ACSL5: variants seen among roughly 807,000 people sequenced by gnomAD.
ACSL5 encodes acyl-CoA synthetase long chain family member 5.
Under a neutral mutation model 84.9 loss-of-function variants are expected in ACSL5, and 50 were observed. That is an observed-to-expected ratio of 0.59 (90% CI 0.47 to 0.75). The LOEUF (loss-of-function observed/expected upper bound fraction) is 0.75. Ranked by LOEUF, ACSL5 falls within the 30% of genes least tolerant of loss-of-function variation. The pLI is 0.00. For missense variants in ACSL5, 775 were observed against 830.4 expected (o/e 0.93, Z 0.82); for synonymous variants, 280 against 300.7 (o/e 0.93, Z 0.71).
At chr10:112,385,377 CTA>C (rs1849429043) in intron 1 of ACSL5, among the ~76,000 whole-genome samples, 1 of 152,152 alleles carries the variant, frequency 6.6e-6, no homozygotes, top group Admixed American at 6.5e-5. Context: ...TGATGTCTTT[CTA>C]TGAGATAAGC....
chr10:112,394,815 T>C, intron 1 of ACSL5, 103 bp from the exon 2 acceptor site: 1 of 1,521,130 alleles, frequency 6.6e-7, no homozygotes, highest in Non-Finnish European at 8.8e-7. Context: ...CGCGCGTGTG[T>C]GTGTGTATGT....
Position 112,427,266 on chromosome 10 carries a change from C to T in ACSL5, c.1960C>T (p.Leu654Phe), listed in dbSNP as rs1020558428. The change falls in exon 21 of 21, where the codon CTC becomes TTC. Residue 654 changes from leucine to phenylalanine, a missense_variant. By Grantham distance (22) the Leu-to-Phe change is conservative (BLOSUM62 0). Transcript: ENST00000354655. ...HPEPFSIENG[L>F]LTPTLKAKRG... ...AGAGCCATTTTCCATTGAAAATGGGCTCTTGACACCAACATTGAAAGCAAA... is the reference window on the plus strand; with the variant it reads ...AGAGCCATTTTCCATTGAAAATGGGTTCTTGACACCAACATTGAAAGCAAA... 7 of 1,613,708 alleles carry T rather than the reference C, an allele frequency of 4.3e-6. No individual in the cohort carries two copies. The East Asian group carries it at 8.9e-5, about 21-fold the overall frequency.
intron 1 of ACSL5, among the ~76,000 whole-genome samples, chr10:112,376,793 AT>A (rs1175723617): frequency 6.6e-6 from 1 of 151,942 alleles, no homozygotes; most frequent in African/African-American, 2.4e-5. Flanking sequence ...CCTCAATTTT[AT>A]GTTGGGTAAG....
In ACSL5 at chr10:112,426,219, T is replaced by G. The variant is rs752039839; in HGVS notation, c.1738-39T>G. On this transcript the variant is annotated intron_variant, in intron 18 of 20. Transcript: ENST00000354655. The stretch of plus-strand genomic sequence containing the variant: ...CTACTGGGGGACATCCCTACATAAC[T>G]TCTCTCATGCCCTTGCACCTTTTAT... 3.2e-6 allele frequency: 5 copies of G among 1,546,296 alleles called. No individual in the cohort carries two copies. In the East Asian group the frequency reaches 1.1e-4, roughly 35 times the overall value.
intron 14 of ACSL5, 44 bp downstream of exon 14, chr10:112,417,985 C>A: frequency 7.1e-7 from 1 of 1,406,586 alleles, no homozygotes; most frequent in Non-Finnish European, 9.7e-7. Flanking sequence ...TTTACTTTTG[C>A]ACAAACAGGC....
At position 112,411,939 on chromosome 10, in the gene ACSL5, C is replaced by A; in HGVS notation, c.908C>A (p.Ser303Tyr). The change falls in exon 11 of 21, where the codon TCC becomes TAC. Residue 303 changes from serine to tyrosine, a missense_variant. Physicochemically the swap from Ser to Tyr is moderately radical, Grantham distance 144 (BLOSUM62 -2). Coordinates refer to ENST00000354655, the MANE Select transcript of ACSL5 (RefSeq NM_203379.2). ...YEPTPDDVAI[S>Y]YLPLAHMFER... Reference sequence around the variant, plus strand: ...CCCACTCCTGATGATGTGGCCATATCCTACCTCCCTCTGGCTCATATGTTT... The same window carrying A: ...CCCACTCCTGATGATGTGGCCATATACTACCTCCCTCTGGCTCATATGTTT... The A allele has an allele frequency of 6.2e-7, 1 of 1,614,074 alleles. No homozygotes were observed. Among genetic ancestry groups the A allele is most frequent in the Non-Finnish European group, 8.5e-7 (1 of 1,179,904 alleles).
intron 3 of ACSL5, 109 bp from the exon 4 acceptor site, chr10:112,404,402 C>G (rs2133614431): frequency 1.3e-6 from 1 of 778,956 alleles, no homozygotes; most frequent in East Asian, 2.7e-5. Flanking sequence ...AGCTCAAATC[C>G]TTGTTGGACT....
At chr10:112,418,164 T>C (rs1329260051) in intron 14 of ACSL5, among the ~76,000 whole-genome samples, 1 of 152,206 alleles carries the variant, frequency 6.6e-6, no homozygotes, top group Non-Finnish European at 1.5e-5. Flanking sequence ...ATGTTGCTCC[T>C]TGTCAAATAA....
intron 1 of ACSL5, among the ~76,000 whole-genome samples, chr10:112,386,710 A>T (rs2133575006): frequency 6.6e-6 from 1 of 152,296 alleles, no homozygotes; most frequent in South Asian, 2.1e-4. Context: ...AGGAACCTTG[A>T]ATATTTCAGG....
intron 13 of ACSL5, among the ~76,000 whole-genome samples, chr10:112,417,519 G>T (rs1052671655): frequency 6.7e-6 from 1 of 150,178 alleles, no homozygotes; most frequent in African/African-American, 2.5e-5. Flanking sequence ...AAAAAAAAAA[G>T]TTTTATTTAG....
intron 12 of ACSL5, among the ~76,000 whole-genome samples, chr10:112,414,035 C>A (rs1412120878): frequency 2.6e-5 from 4 of 152,098 alleles, no homozygotes; most frequent in African/African-American, 4.8e-5. Context: ...AGAGTCACAT[C>A]TAATAAGGGG....
At chr10:112,390,147 A>G (rs1297164926) in intron 1 of ACSL5, among the ~76,000 whole-genome samples, 1 of 152,232 alleles carries the variant, frequency 6.6e-6, no homozygotes, top group Non-Finnish European at 1.5e-5. Flanking sequence ...GAATGGAAGA[A>G]AATATTGCAA....
At chr10:112,386,744 T>A (rs4918744) in intron 1 of ACSL5, among the ~76,000 whole-genome samples, 3 of 151,786 alleles carry the variant, frequency 2.0e-5, no homozygotes, top group African/African-American at 2.4e-5. Context: ...TTTTCTAGCC[T>A]TCTTAGGTAC....
Position 112,408,431 on chromosome 10 carries a change from T to G in ACSL5, c.442T>G (p.Ser148Ala). Residue 148 changes from serine to alanine, a missense_variant, in exon 6 of 21, where the codon TCC becomes GCC. Physicochemically the swap from Ser to Ala is moderately conservative, Grantham distance 99. Transcript: ENST00000354655. ...FAQNRPEWII[S>A]ELACYTYSMV... Reference sequence around the variant, plus strand: ...ACTTCTCTCTGTACAGTGGATCATCTCCGAATTGGCTTGTTACACGTACTC... The same window carrying G: ...ACTTCTCTCTGTACAGTGGATCATCGCCGAATTGGCTTGTTACACGTACTC... The G allele has an allele frequency of 6.2e-7, 1 of 1,610,618 alleles. No homozygotes were observed. The highest frequency in any genetic ancestry group is 8.5e-7 in the Non-Finnish European group (1 of 1,176,876).
chr10:112,374,661 A>G (rs1057281552), intron 1 of ACSL5, among the ~76,000 whole-genome samples: 6 of 152,188 alleles, frequency 3.9e-5, no homozygotes, highest in Non-Finnish European at 4.4e-5. Context: ...TGGCAGACAG[A>G]GAGGAAGGGA....
intron 3 of ACSL5, among the ~76,000 whole-genome samples, chr10:112,402,335 A>G (rs955504795): frequency 2.0e-5 from 3 of 152,232 alleles, no homozygotes; most frequent in African/African-American, 7.2e-5. Context: ...AAGCTGTCTC[A>G]GTCCTTCATA....
In ACSL5 at chr10:112,427,894, G is replaced by A. The variant is rs1171753247; in HGVS notation, c.*536G>A. ...TCACTCATGTCAATCATATCTATGA[G>A]ACAAATGTCTCCGATGCTCTTCTGC... On this transcript the variant is annotated 3_prime_UTR_variant, in exon 21 of 21. Coordinates refer to ENST00000354655, the MANE Select transcript of ACSL5 (RefSeq NM_203379.2). The A allele has an allele frequency of 1.3e-5, 2 of 152,714 alleles. No individual in the cohort carries two copies. Among genetic ancestry groups the A allele is most frequent in the African/African-American group, 4.8e-5 (2 of 41,448 alleles). The allele number at this position is 152,714 out of a possible 1,614,324, so 9.5% of individuals were successfully genotyped here.
intron 14 of ACSL5, among the ~76,000 whole-genome samples, chr10:112,420,944 A>G (rs569671590): frequency 6.6e-6 from 1 of 152,018 alleles, no homozygotes; most frequent in Admixed American, 6.5e-5. Flanking sequence ...CTGGTCTCGA[A>G]CTCATGACCT....
At chr10:112,415,501 T>C (rs1366674086) in intron 12 of ACSL5, among the ~76,000 whole-genome samples, 1 of 152,242 alleles carries the variant, frequency 6.6e-6, no homozygotes, top group African/African-American at 2.4e-5. Context: ...AGTGACTTGT[T>C]GAGGGAGGGT....
Sources: gnomAD v4.1 joint callset for allele counts (sites outside exome capture counted in the v4.1 genomes callset) on GRCh38, gnomAD v4.1.1 for gene constraint, MANE v1.5 for transcripts, NCBI Gene and HGNC (gene_info 2026-07-23, HGNC 2026-07-21) for gene names.